Variants in FER observed in about 807,000 individuals in gnomAD.
FER encodes the protein FER tyrosine kinase, also known as tyrosine-protein kinase Fer.
A neutral mutation model predicts 111.0 loss-of-function variants in FER; 63 were observed. That is an observed-to-expected ratio of 0.57 (90% CI 0.46 to 0.70). FER has a LOEUF of 0.70. Ranked by LOEUF, FER falls within the 30% of genes least tolerant of loss-of-function variation. FER has a pLI of 0.00. For synonymous variants in FER, 327 were observed against 313.9 expected (o/e 1.04, Z -0.44); for missense variants, 914 against 954.0 (o/e 0.96, Z 0.55).
At chr5:109,141,788 G>A (rs1753551258) in intron 17 of FER, among the ~76,000 whole-genome samples, 1 of 152,168 alleles carries the variant, frequency 6.6e-6, no homozygotes, top group Non-Finnish European at 1.5e-5. Flanking sequence ...GTGGAGATAT[G>A]TAATCCTCCT....
chr5:109,163,046 C>T (rs1278141229), intron 17 of FER, among the ~76,000 whole-genome samples: 2 of 152,108 alleles, frequency 1.3e-5, no homozygotes, highest in Non-Finnish European at 2.9e-5. Context: ...TCATCTGTCA[C>T]TGTAGCTTAG....
At position 109,192,266 on chromosome 5, in the gene FER, C is replaced by A. The variant is rs942933928; in HGVS notation, c.*4691C>A. On this transcript the variant is annotated 3_prime_UTR_variant, in exon 20 of 20. Coordinates refer to ENST00000281092, the MANE Select transcript of FER (RefSeq NM_005246.4). Reference sequence around the variant, plus strand: ...ATTCCAAGGCAGGATGATGCACCCCCACACAGAGTGTGGAAAAATTAAAGT... The same window carrying A: ...ATTCCAAGGCAGGATGATGCACCCCAACACAGAGTGTGGAAAAATTAAAGT... The A allele has an allele frequency of 8.5e-5, 13 of 152,184 alleles. No homozygotes were observed. The highest frequency in any genetic ancestry group is 3.3e-4 in the Admixed American group (5 of 15,270). 9.4% of individuals were successfully genotyped at this position (152,184 alleles called of 1,614,324 possible). A position where few individuals can be genotyped will look rare whatever the true frequency, so the allele number is the denominator to read the frequency against.
At chr5:109,051,478 G>A in intron 16 of FER, 1 of 1,613,080 alleles carries the variant, frequency 6.2e-7, no homozygotes, top group Non-Finnish European at 8.5e-7. Flanking sequence ...GTGGGAGTTA[G>A]AGATGGTGCT....
chr5:109,029,364 A>G (rs1350318402), intron 13 of FER, among the ~76,000 whole-genome samples: 2 of 147,328 alleles, frequency 1.4e-5, no homozygotes, highest in Admixed American at 1.4e-4. Context: ...GTCATCTAGC[A>G]TTAGGTATAT....
At chr5:109,054,943 C>T (rs1386841173) in intron 16 of FER, among the ~76,000 whole-genome samples, 1 of 152,068 alleles carries the variant, frequency 6.6e-6, no homozygotes, top group Non-Finnish European at 1.5e-5. Context: ...TCTGTCAATC[C>T]TTTTGTCTCC....
At chr5:109,070,305 G>T (rs980925669) in intron 16 of FER, among the ~76,000 whole-genome samples, 12 of 151,826 alleles carry the variant, frequency 7.9e-5, no homozygotes, top group Non-Finnish European at 1.5e-4. Flanking sequence ...TAGACTTAAG[G>T]TCTATCCAGT....
intron 17 of FER, among the ~76,000 whole-genome samples, chr5:109,102,933 ATAG>A (rs1205387991): frequency 1.3e-5 from 2 of 152,098 alleles, no homozygotes; most frequent in African/African-American, 4.8e-5. Flanking sequence ...TTCTTTGGAA[ATAG>A]TAGTTGCAAT....
At position 108,877,451 on chromosome 5, in the gene FER, G is replaced by C. The variant is rs538527855; in HGVS notation, c.923+5239G>C. Among the ~76,000 whole-genome samples the C allele has an allele frequency of 7.9e-5, 12 of 152,298 alleles. 1 individual carries two copies. The highest frequency in any genetic ancestry group is 4.1e-4 in the South Asian group (2 of 4,828). ...TATTAGGAGGTGACTGTATTTAACA[G>C]AAACTCGTAACTTTCACTTGGTTGT... is the stretch of plus-strand genomic sequence containing the variant. On this transcript the variant is annotated intron_variant, in intron 8 of 19. Transcript: ENST00000281092.
intron 17 of FER, among the ~76,000 whole-genome samples, chr5:109,112,112 A>G (rs1427180021): frequency 6.6e-6 from 1 of 152,114 alleles, no homozygotes; most frequent in Non-Finnish European, 1.5e-5. Context: ...AGAGGGTTAT[A>G]ATGTTAACCT....
At chr5:108,822,091 C>G (rs1318842157) in intron 3 of FER, among the ~76,000 whole-genome samples, 1 of 152,128 alleles carries the variant, frequency 6.6e-6, no homozygotes, top group African/African-American at 2.4e-5. Context: ...TGGGTGAGAT[C>G]ATGCAATATT....
At chr5:108,871,778 T>G (rs1294425003) in intron 7 of FER, among the ~76,000 whole-genome samples, 1 of 151,986 alleles carries the variant, frequency 6.6e-6, no homozygotes, top group South Asian at 2.1e-4. Flanking sequence ...TTTTTATGCT[T>G]ATATAATAAA....
At chr5:109,183,811 G>A (rs144834352) in intron 18 of FER, among the ~76,000 whole-genome samples, 1,818 of 152,162 alleles carry the variant, frequency 0.012, 16 homozygotes, top group Non-Finnish European at 0.02. Context: ...TTGTCACTGC[G>A]TTATCATAAG....
chr5:109,153,394 A>T (rs1755053822), intron 17 of FER, among the ~76,000 whole-genome samples: 1 of 151,836 alleles, frequency 6.6e-6, no homozygotes, highest in Non-Finnish European at 1.5e-5. Flanking sequence ...TGATTGCTTG[A>T]TTTTTTATTT....
At chr5:108,892,689 A>G (rs1381070316) in intron 9 of FER, among the ~76,000 whole-genome samples, 4 of 152,120 alleles carry the variant, frequency 2.6e-5, no homozygotes, top group Non-Finnish European at 4.4e-5. Context: ...CCGTTTGTCA[A>G]TTTTGGCTTT....
chr5:109,054,504 A>G (rs1014548790), intron 16 of FER, among the ~76,000 whole-genome samples: 1 of 152,162 alleles, frequency 6.6e-6, no homozygotes, highest in South Asian at 2.1e-4. Context: ...TTGGTTCTTT[A>G]CATATTCTGG....
intron 13 of FER, among the ~76,000 whole-genome samples, chr5:109,010,197 G>A (rs577993324): frequency 2.6e-5 from 4 of 151,950 alleles, no homozygotes; most frequent in African/African-American, 7.2e-5. Context: ...ACAGCCTGTC[G>A]CCCAGGCTAG....
chr5:108,813,593 G>A (rs1757981339), intron 3 of FER, among the ~76,000 whole-genome samples: 1 of 151,872 alleles, frequency 6.6e-6, no homozygotes, highest in Non-Finnish European at 1.5e-5. Context: ...TTTCATTGTG[G>A]TTAGTTTTTA....
intron 13 of FER, among the ~76,000 whole-genome samples, chr5:109,017,942 C>G (rs1197597999): frequency 1.3e-5 from 2 of 151,880 alleles, no homozygotes; most frequent in East Asian, 1.9e-4. Context: ...TCTATAGTAA[C>G]AAACCCTTTG....
rs185213105 is a variant in FER at position 109,033,655 on chromosome 5, C to T, written c.1657-3767C>T. 3.4e-4 allele frequency among the ~76,000 whole-genome samples: 52 copies of T among 152,098 alleles called. No individual in the cohort carries two copies. In the East Asian group the frequency reaches 9.1e-3, roughly 27 times the overall value. On this transcript the variant is annotated intron_variant, in intron 13 of 19. Transcript: ENST00000281092. ...TTCTTAGGAATATTCCATTTAATAC[C>T]TAAGGGGGAGAGGGTTGGTAGTTCT...
Sources: allele counts gnomAD v4.1 joint callset (sites outside exome capture counted in the v4.1 genomes callset), GRCh38; gene constraint gnomAD v4.1.1; transcripts MANE v1.5; gene names NCBI Gene and HGNC (gene_info 2026-07-23, HGNC 2026-07-21).